ABHD2: variants seen among roughly 807,000 people sequenced by gnomAD.
The protein encoded by ABHD2 is abhydrolase domain containing 2, acylglycerol lipase, also known as monoacylglycerol lipase ABHD2.
ABHD2 carries 20 observed loss-of-function variants against 48.1 expected under a neutral mutation model. The observed-to-expected ratio is 0.42, with a 90% CI of 0.29 to 0.60. ABHD2 has a LOEUF of 0.60. Among genes scored for constraint, ABHD2 ranks in the 20% least tolerant of loss-of-function variants. The pLI is 0.24. For synonymous variants in ABHD2, 209 were observed against 214.2 expected, an observed-to-expected ratio of 0.98 and a Z score of 0.21; for missense variants, 405 against 550.9, an observed-to-expected ratio of 0.74 and a Z score of 2.65.
At chr15:89,149,532 A>G (rs2050556857) in intron 3 of ABHD2, among the ~76,000 whole-genome samples, 1 of 152,172 alleles carries the variant, frequency 6.6e-6, no homozygotes, top group African/African-American at 2.4e-5. Flanking sequence ...GTTGGCTTGA[A>G]AACAGCATCT....
At position 89,195,411 on chromosome 15, in the gene ABHD2, C is replaced by T. The variant is rs762399362; in HGVS notation, c.1266C>T (p.Ala422=). The change falls in exon 11 of 11, where the codon GCC becomes GCT. Residue 422 remains alanine (A), a synonymous_variant. Coordinates refer to ENST00000352732, the MANE Select transcript of ABHD2 (RefSeq NM_152924.5). The surrounding 1 kb of genome is among the most constrained non-coding windows in gnomAD (Gnocchi z 5.1). ...GCTCTGACACGGAGCAGGTGGAGGC[C>T]GACCTGGAGTGAGGCCTCCGGACTC... ...LQCSDTEQVE[A]DLE The T allele has an allele frequency of 5.6e-6, 9 of 1,613,314 alleles. No homozygotes were observed. The highest frequency in any genetic ancestry group is 3.3e-5 in the South Asian group (3 of 91,046).
At chr15:89,049,473 C>G in the ABHD2 span, among the ~76,000 whole-genome samples, 14 of 152,192 alleles carry the variant, frequency 9.2e-5, no homozygotes, top group East Asian at 1.9e-4. Context: ...CAATGGCGGG[C>G]GCCCCTCCCC....
chr15:89,047,706 C>A, the ABHD2 span, among the ~76,000 whole-genome samples: 2 of 150,894 alleles, frequency 1.3e-5, no homozygotes, highest in East Asian at 3.9e-4. Context: ...TTTATCAGAG[C>A]CTAGGATTGC....
chr15:89,102,840 T>C lies in ABHD2; in HGVS notation c.-106-10885T>C, dbSNP rs2049722587. 6.6e-6 allele frequency among the ~76,000 whole-genome samples: 1 copy of C among 152,164 alleles called. No individual in the cohort carries two copies. The highest frequency in any genetic ancestry group is 1.5e-5 in the Non-Finnish European group (1 of 68,036). Reference sequence around the variant, plus strand: ...AATGCCTGCCTGATACAGGCAACGTTTGCACAAAAACCCAAAGGAAGAAGG... The same window carrying C: ...AATGCCTGCCTGATACAGGCAACGTCTGCACAAAAACCCAAAGGAAGAAGG... On this transcript the variant is annotated intron_variant, in intron 1 of 10. Coordinates refer to ENST00000352732, the MANE Select transcript of ABHD2 (RefSeq NM_152924.5). This position sits in a 1 kb window ranked among gnomAD's most constrained non-coding sequence, Gnocchi z 4.8.
intron 9 of ABHD2, among the ~76,000 whole-genome samples, chr15:89,192,656 T>C (rs1480387773): frequency 1.3e-5 from 2 of 152,162 alleles, no homozygotes; most frequent in African/African-American, 2.4e-5. Flanking sequence ...ACTATAGGCA[T>C]AAGCCATAAG....
the ABHD2 span, among the ~76,000 whole-genome samples, chr15:89,044,918 ATTTGTCAATTTTGGCTT>A: frequency 1.3e-5 from 2 of 150,376 alleles, no homozygotes; most frequent in Admixed American, 6.6e-5. Flanking sequence ...ATTAGATCCC[ATTTGTCAATTTTGGCTT>A]TTGTTGCCAT....
Position 89,176,003 on chromosome 15 carries a change from A to T in ABHD2, c.722+8A>T, listed in dbSNP as rs1421872890. 6.3e-6 allele frequency: 10 copies of T among 1,584,226 alleles called. No homozygotes were observed. The highest frequency in any genetic ancestry group is 8.6e-6 in the Non-Finnish European group (10 of 1,164,296). On this transcript the variant is annotated splice_region_variant and intron_variant, in intron 6 of 10. Coordinates refer to ENST00000352732, the MANE Select transcript of ABHD2 (RefSeq NM_152924.5). This position sits in a 1 kb window ranked among gnomAD's most constrained non-coding sequence, Gnocchi z 4.5. Reference sequence around the variant, plus strand: ...GGGGTACAGTGCACTGAGGTGAGTCATCTCCGCCTTCCATCAGGGCCTTCA... The same window carrying T: ...GGGGTACAGTGCACTGAGGTGAGTCTTCTCCGCCTTCCATCAGGGCCTTCA...
intron 4 of ABHD2, among the ~76,000 whole-genome samples, chr15:89,153,285 A>G (rs1294204775): frequency 6.6e-6 from 1 of 152,248 alleles, no homozygotes. Context: ...GCTAGAATGT[A>G]GGAATCCCCA....
chr15:89,151,948 C>G lies in ABHD2; in HGVS notation c.370+96C>G. The G allele has an allele frequency of 6.9e-7, 1 of 1,459,166 alleles. No homozygotes were observed. Among genetic ancestry groups the G allele is most frequent in the South Asian group, 1.3e-5 (1 of 74,094 alleles). The allele number at this position is 1,459,166 out of a possible 1,614,324, so 90.4% of individuals were successfully genotyped here. The stretch of plus-strand genomic sequence containing the variant: ...AGTGTGAATACTTGTGCCACTGACT[C>G]TGCCCATGGCATCAGGGGCTGTTGG... On this transcript the variant is annotated intron_variant, in intron 4 of 10. Coordinates refer to ENST00000352732, the MANE Select transcript of ABHD2 (RefSeq NM_152924.5). The surrounding 1 kb of genome is among the most constrained non-coding windows in gnomAD (Gnocchi z 4.7).
rs758246323 is a variant in ABHD2 at position 89,128,788 on chromosome 15, T to TG, written c.194+12274dup. Among the ~76,000 whole-genome samples, 7 of 151,888 alleles carry TG rather than the reference T, an allele frequency of 4.6e-5. No individual in the cohort carries two copies. In the East Asian group the frequency reaches 5.8e-4, roughly 13 times the overall value. ...TTGTAGCAGAGAGCCCTATGGTCTG[T>TG]GGGGGGGAGGAAGAGGAGATCAGAT... On this transcript the variant is annotated intron_variant, in intron 3 of 10. Transcript: ENST00000352732.
chr15:89,163,021 T>A (rs72760658), intron 5 of ABHD2, among the ~76,000 whole-genome samples: 1 of 152,232 alleles, frequency 6.6e-6, no homozygotes, highest in Non-Finnish European at 1.5e-5. Context: ...GTGCCCTATA[T>A]GTGAGTCTTC....
At position 89,173,582 on chromosome 15, in the gene ABHD2, C is replaced by T. The variant is rs1001815917; in HGVS notation, c.539-2230C>T. On this transcript the variant is annotated intron_variant, in intron 5 of 10. Coordinates refer to ENST00000352732, the MANE Select transcript of ABHD2 (RefSeq NM_152924.5). The surrounding 1 kb of genome is among the most constrained non-coding windows in gnomAD (Gnocchi z 6.5). ...AGCGAGACTCTGTCTCAAAAACAAACGAACAAAAAGAAACTTGAATGAATC... is the reference window on the plus strand; with the variant it reads ...AGCGAGACTCTGTCTCAAAAACAAATGAACAAAAAGAAACTTGAATGAATC... Among the ~76,000 whole-genome samples the T allele has an allele frequency of 3.3e-5, 5 of 151,992 alleles. No individual in the cohort carries two copies. The South Asian group carries it at 8.3e-4, about 25-fold the overall frequency.
chr15:89,060,122 C>T, the ABHD2 span, among the ~76,000 whole-genome samples: 4 of 131,274 alleles, frequency 3.0e-5, no homozygotes, highest in South Asian at 2.4e-4. Context: ...CAGAGTTTCG[C>T]TCTTGTTGCC....
chr15:89,185,616 A>T lies in ABHD2; in HGVS notation c.815+100A>T. On this transcript the variant is annotated intron_variant, in intron 7 of 10. Transcript: ENST00000352732. This position sits in a 1 kb window ranked among gnomAD's most constrained non-coding sequence, Gnocchi z 5.9. ...GGACTCCTGTTCCTTCAGGGGAAAA[A>T]AAAAAATGCAGGTGTGGTACAGACT... 1 of 1,036,348 alleles carries T rather than the reference A, an allele frequency of 9.6e-7. No individual in the cohort carries two copies. Among genetic ancestry groups the T allele is most frequent in the Non-Finnish European group, 1.5e-6 (1 of 688,432 alleles). 64.2% of individuals were successfully genotyped at this position (1,036,348 alleles called of 1,614,324 possible).
intron 5 of ABHD2, among the ~76,000 whole-genome samples, chr15:89,161,307 A>G (rs980489862): frequency 6.6e-6 from 1 of 152,050 alleles, no homozygotes; most frequent in Admixed American, 6.6e-5. Context: ...CCTTTACCCA[A>G]CCTCAACAAT....
At chr15:89,082,837 A>G (rs575361933), upstream of ABHD2, 2 of 152,176 alleles carry the variant, frequency 1.3e-5, no homozygotes, top group Non-Finnish European at 2.9e-5. The surrounding 1 kb of genome is among the most constrained non-coding windows in gnomAD (Gnocchi z 4.4). Flanking sequence ...CTCTGGAAAG[A>G]TGGAAATTGT....
intron 1 of ABHD2, among the ~76,000 whole-genome samples, chr15:89,111,286 C>CT (rs1423823805): frequency 6.6e-6 from 1 of 152,184 alleles, no homozygotes; most frequent in Non-Finnish European, 1.5e-5. Flanking sequence ...CGCCAATACT[C>CT]TTATAACGCA....
the ABHD2 span, among the ~76,000 whole-genome samples, chr15:89,061,692 C>T: frequency 2.6e-5 from 4 of 152,150 alleles, no homozygotes; most frequent in South Asian, 6.2e-4. Context: ...CCCACCTCAG[C>T]CTCTCCAGTA....
At chr15:89,072,712 C>A in the ABHD2 span, among the ~76,000 whole-genome samples, 1 of 152,154 alleles carries the variant, frequency 6.6e-6, no homozygotes, top group Non-Finnish European at 1.5e-5. Context: ...TACATGATAT[C>A]TTTGGTATTC....
Sources: gnomAD v4.1 joint callset for allele counts (sites outside exome capture counted in the v4.1 genomes callset) on GRCh38, gnomAD v4.1.1 for gene constraint, Gnocchi (gnomAD v3.1) non-coding constraint, MANE v1.5 for transcripts, NCBI Gene and HGNC (gene_info 2026-07-23, HGNC 2026-07-21) for gene names.